The following DGKB variants were observed in gnomAD, a reference collection of about 807,000 sequenced individuals.
The protein encoded by DGKB is 90 kDa diacylglycerol kinase.
In DGKB, 67 loss-of-function variants were observed where a neutral mutation model predicts 114.3. That is an observed-to-expected ratio of 0.59 (90% CI 0.48 to 0.72). DGKB has a LOEUF of 0.72. Among genes scored for constraint, DGKB ranks in the 30% least tolerant of loss-of-function variants. The probability of loss-of-function intolerance (pLI) is 0.00; values close to 1 mark genes in which losing one functional copy is unlikely to be tolerated. For missense variants in DGKB, 907 were observed against 975.2 expected, an observed-to-expected ratio of 0.93 and a Z score of 0.93; for synonymous variants, 398 against 323.1, an observed-to-expected ratio of 1.23 and a Z score of -2.49.
intron 20 of DGKB, among the ~76,000 whole-genome samples, chr7:14,493,067 T>C (rs1251294010): frequency 6.6e-6 from 1 of 152,110 alleles, no homozygotes; most frequent in Non-Finnish European, 1.5e-5. Flanking sequence ...TAGTTTTATG[T>C]TAGTTTCCAG....
intron 3 of DGKB, among the ~76,000 whole-genome samples, 181 bp from the exon 4 acceptor site, chr7:14,754,129 C>G (rs569774502): frequency 6.6e-6 from 1 of 152,042 alleles, no homozygotes; most frequent in Non-Finnish European, 1.5e-5. Flanking sequence ...AGTTAGAAAA[C>G]TGATAGAAAT....
chr7:14,740,130 C>T (rs1282773245), intron 4 of DGKB, among the ~76,000 whole-genome samples: 1 of 152,248 alleles, frequency 6.6e-6, no homozygotes, highest in Non-Finnish European at 1.5e-5. Flanking sequence ...GTCTTCCCCT[C>T]CCTTGGCCAA....
intron 13 of DGKB, among the ~76,000 whole-genome samples, chr7:14,643,234 C>T (rs1290550739): frequency 1.3e-5 from 2 of 152,122 alleles, no homozygotes; most frequent in African/African-American, 2.4e-5. Context: ...GTGGGAGATT[C>T]CCCAGCCATC....
At chr7:14,851,634 T>C (rs1263586205) in intron 1 of DGKB, among the ~76,000 whole-genome samples, 1 of 152,198 alleles carries the variant, frequency 6.6e-6, no homozygotes, top group African/African-American at 2.4e-5. Context: ...CTTAATACCT[T>C]TGTGACTTTC....
At chr7:14,458,157 T>C (rs960010119) in intron 21 of DGKB, among the ~76,000 whole-genome samples, 1 of 152,210 alleles carries the variant, frequency 6.6e-6, no homozygotes, top group African/African-American at 2.4e-5. Context: ...TAAATTTTAA[T>C]TCGATTTCAG....
At chr7:14,236,354 G>C (rs1465885264) in intron 23 of DGKB, among the ~76,000 whole-genome samples, 1 of 117,812 alleles carries the variant, frequency 8.5e-6, no homozygotes, top group Non-Finnish European at 1.7e-5. Flanking sequence ...TAAAAAAAAA[G>C]CTATTATTTC....
intron 13 of DGKB, among the ~76,000 whole-genome samples, chr7:14,670,984 T>A (rs1818867820): frequency 6.6e-6 from 1 of 152,174 alleles, no homozygotes; most frequent in African/African-American, 2.4e-5. Context: ...ATATGCTCAA[T>A]CAAAAGAGCT....
chr7:14,762,396 T>C (rs17168401), intron 2 of DGKB, among the ~76,000 whole-genome samples: 26,435 of 152,016 alleles, frequency 0.17, 3,883 homozygotes, highest in African/African-American at 0.41. Context: ...GCCATGAGAG[T>C]TAAATGAACT....
chr7:14,660,813 G>T (rs1015231810), intron 13 of DGKB, among the ~76,000 whole-genome samples: 9 of 152,044 alleles, frequency 5.9e-5, no homozygotes, highest in East Asian at 1.9e-4. Flanking sequence ...ATACTACAAG[G>T]CTACAGTAAC....
chr7:14,945,218 T>C (rs1178433818), intron 1 of DGKB, among the ~76,000 whole-genome samples: 2 of 151,662 alleles, frequency 1.3e-5, no homozygotes, highest in Non-Finnish European at 2.9e-5. Context: ...GGCATAACGC[T>C]GAGAAAGATA....
chr7:14,384,718 A>C (rs1233442566), intron 21 of DGKB, among the ~76,000 whole-genome samples: 4 of 152,192 alleles, frequency 2.6e-5, no homozygotes, highest in Non-Finnish European at 5.9e-5. Flanking sequence ...GTGGTTCTCA[A>C]CTGGGGTCAA....
intron 1 of DGKB, among the ~76,000 whole-genome samples, chr7:14,956,907 G>C (rs963829229): frequency 5.9e-5 from 9 of 151,450 alleles, no homozygotes; most frequent in Non-Finnish European, 1.2e-4. Flanking sequence ...CATTCTTGTA[G>C]CCTTTCTTCC....
intron 5 of DGKB, among the ~76,000 whole-genome samples, chr7:14,723,728 G>C (rs1028015454): frequency 7.9e-5 from 12 of 152,172 alleles, no homozygotes; most frequent in Admixed American, 1.3e-4. Context: ...GTTAAAATAA[G>C]TTCATTATAT....
chr7:14,613,554 TGTGA>T (rs934069095), intron 15 of DGKB, 141 bp from the exon 16 acceptor site: 162 of 571,452 alleles, frequency 2.8e-4, no homozygotes, highest in Non-Finnish European at 3.9e-4. Flanking sequence ...TGCATGTGTG[TGTGA>T]GTGTGTGCGT....
intron 25 of DGKB, chr7:14,176,296 G>C (rs1781731137): frequency 2.2e-6 from 2 of 916,596 alleles, no homozygotes; most frequent in Admixed American, 7.4e-5. Context: ...AATGAAAACT[G>C]ATTTTTTTTT....
intron 20 of DGKB, among the ~76,000 whole-genome samples, chr7:14,539,075 A>G (rs561021842): frequency 6.6e-6 from 1 of 152,156 alleles, no homozygotes; most frequent in South Asian, 2.1e-4. Context: ...ATTGAGCACT[A>G]TGGTGCTCAT....
chr7:14,648,267 A>T (rs1054764857), intron 13 of DGKB, among the ~76,000 whole-genome samples: 2 of 152,316 alleles, frequency 1.3e-5, no homozygotes, highest in South Asian at 2.1e-4. Context: ...TGAAGAGAGC[A>T]GTAGTTCTCC....
chr7:14,354,795 A>G (rs1038413076), intron 21 of DGKB, among the ~76,000 whole-genome samples: 1 of 152,154 alleles, frequency 6.6e-6, no homozygotes, highest in African/African-American at 2.4e-5. Context: ...GTGTATCTGA[A>G]TCCCTGGAAA....
In DGKB at chr7:14,185,029, A is replaced by G. The variant is rs112653969; in HGVS notation, c.2123-6878T>C. 3.7e-3 allele frequency among the ~76,000 whole-genome samples: 568 copies of G among 152,304 alleles called. 3 individuals are homozygous for G. Among genetic ancestry groups the G allele is most frequent in the African/African-American group, 0.013 (533 of 41,552 alleles). The stretch of plus-strand genomic sequence containing the variant: ...AGTACTGGAAGTCCTAGTTAGAACA[A>G]TCAGACTAGAGAAAGAAGTAAAGGG... On this transcript the variant is annotated intron_variant, in intron 23 of 25. Transcript: ENST00000402815.
Sources: allele counts gnomAD v4.1 joint callset (sites outside exome capture counted in the v4.1 genomes callset), GRCh38; gene constraint gnomAD v4.1.1; transcripts MANE v1.5; gene names NCBI Gene and HGNC (gene_info 2026-07-23, HGNC 2026-07-21).